SLC24A3: variants seen among roughly 807,000 people sequenced by gnomAD.
SLC24A3 encodes the protein solute carrier family 24 member 3, also known as sodium/potassium/calcium exchanger 3.
Under a neutral mutation model 75.8 loss-of-function variants are expected in SLC24A3, and 28 were observed. That is an observed-to-expected ratio of 0.37 (90% CI 0.27 to 0.51). SLC24A3 has a LOEUF of 0.51. Ranked by LOEUF, SLC24A3 falls within the 20% of genes least tolerant of loss-of-function variation. SLC24A3 has a pLI of 0.94. For synonymous variants in SLC24A3, 372 were observed against 334.1 expected, an observed-to-expected ratio of 1.11 and a Z score of -1.24; for missense variants, 663 against 847.8, an observed-to-expected ratio of 0.78 and a Z score of 2.71.
chr20:19,223,301 G>GA (rs68080475), intron 1 of SLC24A3, among the ~76,000 whole-genome samples: 1 of 6,668 alleles, frequency 1.5e-4, no homozygotes, highest in Non-Finnish European at 2.6e-4. Flanking sequence ...TCGGGGTGGT[G>GA]CGGTGGGGGA....
intron 15 of SLC24A3, among the ~76,000 whole-genome samples, chr20:19,701,101 C>A (rs1278113438): frequency 6.6e-6 from 1 of 152,118 alleles, no homozygotes; most frequent in African/African-American, 2.4e-5. Flanking sequence ...ACAGGAAGCC[C>A]CATGAGGGCT....
At chr20:19,299,198 A>G (rs3138652) in intron 2 of SLC24A3, among the ~76,000 whole-genome samples, 7,417 of 144,890 alleles carry the variant, frequency 0.051, 400 homozygotes, top group African/African-American at 0.14. Flanking sequence ...GTGTGTGTGT[A>G]TGTGTGTGTG....
intron 1 of SLC24A3, among the ~76,000 whole-genome samples, chr20:19,252,162 A>G (rs1982677413): frequency 6.6e-6 from 1 of 152,132 alleles, no homozygotes; most frequent in Non-Finnish European, 1.5e-5. Context: ...ATCTTTTACA[A>G]CCATCTCGGG....
chr20:19,447,025 C>T (rs531981861), intron 2 of SLC24A3, among the ~76,000 whole-genome samples: 2 of 152,250 alleles, frequency 1.3e-5, no homozygotes, highest in East Asian at 1.9e-4. Flanking sequence ...TCCCACAAAG[C>T]TGGAGCAATG....
At chr20:19,354,826 C>T (rs1391111153) in intron 2 of SLC24A3, among the ~76,000 whole-genome samples, 3 of 152,034 alleles carry the variant, frequency 2.0e-5, no homozygotes, top group Non-Finnish European at 4.4e-5. Flanking sequence ...TAGAAATGTA[C>T]GATGGTACAG....
chr20:19,365,304 A>C (rs1600449912), intron 2 of SLC24A3, among the ~76,000 whole-genome samples: 1 of 152,120 alleles, frequency 6.6e-6, no homozygotes. Flanking sequence ...GCCCCACCCC[A>C]TACCCAGTGA....
At chr20:19,348,510 C>T (rs535061194) in intron 2 of SLC24A3, among the ~76,000 whole-genome samples, 46 of 152,282 alleles carry the variant, frequency 3.0e-4, no homozygotes, top group African/African-American at 8.7e-4. Context: ...CCCCTAGCCA[C>T]CCTGTTTATC....
intron 9 of SLC24A3, among the ~76,000 whole-genome samples, chr20:19,676,697 C>A (rs2032527920): frequency 6.6e-6 from 1 of 152,214 alleles, no homozygotes; most frequent in Non-Finnish European, 1.5e-5. Flanking sequence ...AACATTCTAT[C>A]TGAAGGTCAA....
chr20:19,576,898 T>C (rs903262735), intron 3 of SLC24A3, among the ~76,000 whole-genome samples: 1 of 152,190 alleles, frequency 6.6e-6, no homozygotes, highest in Middle Eastern at 3.2e-3. Flanking sequence ...AATTACCTAA[T>C]GTGAGTGTCC....
intron 3 of SLC24A3, among the ~76,000 whole-genome samples, chr20:19,525,137 C>A (rs868849950): frequency 6.6e-6 from 1 of 152,146 alleles, no homozygotes; most frequent in African/African-American, 2.4e-5. Flanking sequence ...CCCAAGCCAG[C>A]CCCCCTTATA....
At chr20:19,600,238 A>G (rs1046167020) in intron 6 of SLC24A3, among the ~76,000 whole-genome samples, 2 of 152,116 alleles carry the variant, frequency 1.3e-5, no homozygotes, top group South Asian at 2.1e-4. Context: ...AGACAAACCC[A>G]TTAGGAGGCG....
intron 3 of SLC24A3, among the ~76,000 whole-genome samples, chr20:19,543,129 C>G (rs1260521364): frequency 6.6e-6 from 1 of 152,164 alleles, no homozygotes; most frequent in African/African-American, 2.4e-5. Context: ...GTTCATCTCA[C>G]TGTCCCCATT....
chr20:19,282,051 C>T (rs1041710347), intron 2 of SLC24A3, among the ~76,000 whole-genome samples: 3 of 152,094 alleles, frequency 2.0e-5, no homozygotes, highest in Admixed American at 6.6e-5. Flanking sequence ...GCTGATCCTA[C>T]ATCCAAAGGT....
chr20:19,515,684 G>A (rs1327972541), intron 3 of SLC24A3, 120 bp downstream of exon 3: 7 of 975,796 alleles, frequency 7.2e-6, no homozygotes, highest in African/African-American at 1.6e-5. Flanking sequence ...ACGCTGCCTG[G>A]TGGGGGTCCT....
At chr20:19,598,462 G>C (rs1050695602) in intron 6 of SLC24A3, among the ~76,000 whole-genome samples, 69 of 152,120 alleles carry the variant, frequency 4.5e-4, no homozygotes, top group African/African-American at 1.6e-3. Flanking sequence ...CCAACCAAGG[G>C]GGTGACATAT....
chr20:19,321,097 A>G (rs1230169788), intron 2 of SLC24A3, among the ~76,000 whole-genome samples: 1 of 152,070 alleles, frequency 6.6e-6, no homozygotes, highest in Non-Finnish European at 1.5e-5. Context: ...GTGTATATAT[A>G]TATGTATTTA....
intron 12 of SLC24A3, among the ~76,000 whole-genome samples, chr20:19,686,941 A>G (rs1395710659): frequency 2.6e-5 from 4 of 152,186 alleles, no homozygotes; most frequent in Admixed American, 2.0e-4. Context: ...AACCTTTCCT[A>G]TCAACCAAGA....
intron 15 of SLC24A3, among the ~76,000 whole-genome samples, chr20:19,715,047 G>A (rs188210947): frequency 6.6e-6 from 1 of 152,286 alleles, no homozygotes; most frequent in Non-Finnish European, 1.5e-5. Flanking sequence ...AGCTCAAAAG[G>A]ATTCCTGAGT....
At position 19,603,778 on chromosome 20, in the gene SLC24A3, G is replaced by GA. The variant is rs574415276; in HGVS notation, c.612+18243dup. Among the ~76,000 whole-genome samples, 23 of 150,844 alleles carry GA rather than the reference G, an allele frequency of 1.5e-4. No individual in the cohort carries two copies. The South Asian group carries it at 1.7e-3, about 11-fold the overall frequency. The stretch of plus-strand genomic sequence containing the variant: ...GAGCCACATTATGCACATATTCAAA[G>GA]AAAAAAAAACAAGGCTGTGAGTTCC... On this transcript the variant is annotated intron_variant, in intron 6 of 16. Coordinates refer to ENST00000328041, the MANE Select transcript of SLC24A3 (RefSeq NM_020689.4).
Sources: allele counts gnomAD v4.1 joint callset (sites outside exome capture counted in the v4.1 genomes callset), GRCh38; gene constraint gnomAD v4.1.1; transcripts MANE v1.5; gene names NCBI Gene and HGNC (gene_info 2026-07-23, HGNC 2026-07-21).